TTLL7: variants seen among roughly 807,000 people sequenced by gnomAD.
The protein encoded by TTLL7 is tubulin polyglutamylase TTLL7.
TTLL7 carries 53 observed loss-of-function variants against 120.2 expected under a neutral mutation model. The ratio of observed to expected loss-of-function variants is 0.44; its 90% CI spans 0.35 to 0.55. The LOEUF (loss-of-function observed/expected upper bound fraction) is 0.55, where lower values mean the gene tolerates loss of function less well. Ranked by LOEUF, TTLL7 falls within the 20% of genes least tolerant of loss-of-function variation. TTLL7 has a pLI of 0.00. For synonymous variants in TTLL7, 353 were observed against 351.7 expected, an observed-to-expected ratio of 1.00 and a Z score of -0.04; for missense variants, 803 against 1,054.7, an observed-to-expected ratio of 0.76 and a Z score of 3.31.
intron 20 of TTLL7, among the ~76,000 whole-genome samples, chr1:83,871,550 TAAAC>T (rs1653395630): frequency 6.6e-6 from 1 of 152,086 alleles, no homozygotes; most frequent in Admixed American, 6.5e-5. Context: ...TCTTGGGAAA[TAAAC>T]AGTGGGACGG....
chr1:83,891,424 A>T (rs1175649393), intron 18 of TTLL7, among the ~76,000 whole-genome samples: 1 of 152,164 alleles, frequency 6.6e-6, no homozygotes, highest in Non-Finnish European at 1.5e-5. Flanking sequence ...CAAGTGCTAG[A>T]GAGGATATGG....
intron 18 of TTLL7, among the ~76,000 whole-genome samples, 186 bp from the exon 19 acceptor site, chr1:83,890,667 G>C (rs1186447034): frequency 6.6e-6 from 1 of 152,036 alleles, no homozygotes; most frequent in East Asian, 1.9e-4. Context: ...CTACCTGGGA[G>C]GGTGGCTAAG....
intron 1 of TTLL7, among the ~76,000 whole-genome samples, chr1:83,975,600 G>T (rs529835371): frequency 2.0e-5 from 3 of 152,080 alleles, no homozygotes; most frequent in Non-Finnish European, 4.4e-5. Context: ...ACTTGTCAAA[G>T]ACTTAAGACA....
chr1:83,961,954 T>C lies in TTLL7; in HGVS notation c.-176-9567A>G, dbSNP rs1336706261. On this transcript the variant is annotated intron_variant, in intron 1 of 20. Transcript: ENST00000260505. ...CCAAAACACCCAACCTGTGCTTGAC[T>C]ATGCAAAGACTTCTCTTGTTCTGAG... Among the ~76,000 whole-genome samples the C allele has an allele frequency of 2.0e-5, 3 of 152,176 alleles. No individual in the cohort carries two copies. The East Asian group carries it at 5.8e-4, about 29-fold the overall frequency.
intron 14 of TTLL7, among the ~76,000 whole-genome samples, chr1:83,914,288 C>G (rs909037457): frequency 1.3e-5 from 2 of 149,572 alleles, no homozygotes. Flanking sequence ...CTTTAATGTT[C>G]CGTCTACCCT....
chr1:83,973,702 GA>G (rs1651204313), intron 1 of TTLL7, among the ~76,000 whole-genome samples: 1 of 152,018 alleles, frequency 6.6e-6, no homozygotes, highest in Admixed American at 6.6e-5. Flanking sequence ...ACTGAACTTG[GA>G]ATATATCTCC....
At chr1:83,935,615 A>G (rs1455973758) in intron 8 of TTLL7, among the ~76,000 whole-genome samples, 1 of 152,014 alleles carries the variant, frequency 6.6e-6, no homozygotes, top group African/African-American at 2.4e-5. Flanking sequence ...GACCAGAACA[A>G]AAGTACAGAG....
intron 6 of TTLL7, among the ~76,000 whole-genome samples, chr1:83,945,424 A>G (rs1477410282): frequency 6.6e-6 from 1 of 152,268 alleles, no homozygotes; most frequent in Non-Finnish European, 1.5e-5. Flanking sequence ...ACAATTGGAA[A>G]CATTTATGTG....
intron 20 of TTLL7, among the ~76,000 whole-genome samples, chr1:83,881,231 A>G (rs1484179856): frequency 6.6e-6 from 1 of 151,858 alleles, no homozygotes; most frequent in Non-Finnish European, 1.5e-5. Context: ...AAAAGCCAAA[A>G]TTGACAAATG....
intron 18 of TTLL7, among the ~76,000 whole-genome samples, chr1:83,893,842 T>C (rs1161110264): frequency 2.6e-5 from 4 of 151,880 alleles, no homozygotes; most frequent in African/African-American, 7.3e-5. Context: ...TCAGGGTGTG[T>C]CCTAGGGGAA....
intron 15 of TTLL7, among the ~76,000 whole-genome samples, chr1:83,909,999 G>A (rs1571152116): frequency 1.3e-5 from 2 of 152,186 alleles, no homozygotes; most frequent in East Asian, 1.9e-4. Context: ...TGTAACAGGT[G>A]CTCAATAAAC....
rs1241691488 is a variant in TTLL7 at position 83,921,067 on chromosome 1, A to G, written c.1364+20T>C. On this transcript the variant is annotated intron_variant, in intron 12 of 20. Transcript: ENST00000260505. ...GATACTTCATTTTTTCAATCTATAC[A>G]AAAATAGCAGCACAGTTACCTATAA... is the stretch of plus-strand genomic sequence containing the variant. The G allele has an allele frequency of 1.3e-6, 2 of 1,599,380 alleles. No individual in the cohort carries two copies. Among genetic ancestry groups the G allele is most frequent in the Non-Finnish European group, 1.7e-6 (2 of 1,174,650 alleles).
At chr1:83,906,277 A>G in intron 17 of TTLL7, 52 bp downstream of exon 17, 3 of 1,437,654 alleles carry the variant, frequency 2.1e-6, no homozygotes, top group Non-Finnish European at 2.9e-6. Context: ...ATATTTTAAG[A>G]AGAATAAAAA....
At chr1:83,966,348 C>G (rs1364613994) in intron 1 of TTLL7, among the ~76,000 whole-genome samples, 1 of 151,786 alleles carries the variant, frequency 6.6e-6, no homozygotes, top group East Asian at 1.9e-4. Flanking sequence ...CTCTCCCTCC[C>G]TCCTCCTTCC....
chr1:83,880,462 G>C (rs970603553), intron 20 of TTLL7, among the ~76,000 whole-genome samples: 5 of 151,854 alleles, frequency 3.3e-5, no homozygotes, highest in Non-Finnish European at 7.4e-5. Flanking sequence ...GGACACATTT[G>C]TAATAAAGTT....
In TTLL7 at chr1:83,892,747, T is replaced by TATGTGAACATATATATGAACGC. The variant is rs1244718871; in HGVS notation, c.2209-2267_2209-2266insGCGTTCATATATATGTTCACAT. Reference sequence around the variant, plus strand: ...ATGTGAACACATATATATGAGCGCATATGTGAACATATATATGAGCGCATA... The same window carrying TATGTGAACATATATATGAACGC: ...ATGTGAACACATATATATGAGCGCATATGTGAACATATATATGAACGCATGTGAACATATATATGAGCGCATA... On this transcript the variant is annotated intron_variant, in intron 18 of 20. Coordinates refer to ENST00000260505, the MANE Select transcript of TTLL7 (RefSeq NM_024686.6). Among the ~76,000 whole-genome samples, 7 of 151,754 alleles carry TATGTGAACATATATATGAACGC rather than the reference T, an allele frequency of 4.6e-5. No individual in the cohort carries two copies. In the East Asian group the frequency reaches 1.4e-3, roughly 29 times the overall value.
intron 1 of TTLL7, among the ~76,000 whole-genome samples, chr1:83,976,110 TTTC>T (rs1186964419): frequency 2.6e-5 from 4 of 151,752 alleles, no homozygotes; most frequent in African/African-American, 9.7e-5. Flanking sequence ...GTAAATTGTA[TTTC>T]TTACCATGGA....
Position 83,868,948 on chromosome 1 carries a change from TTTTATTTA to T in TTLL7, c.*1006_*1013del, listed in dbSNP as rs1039846300. 6.7e-6 allele frequency: 1 copy of T among 150,354 alleles called. No homozygotes were observed. Among genetic ancestry groups the T allele is most frequent in the Non-Finnish European group, 1.5e-5 (1 of 67,554 alleles). The allele number at this position is 150,354 out of a possible 1,614,324, so 9.3% of individuals were successfully genotyped here. ...TTTTATTTATTTATTTTTATCTTCT[TTTTATTTA>T]TTTATTTATTTTATTTTATTATTAT... On this transcript the variant is annotated 3_prime_UTR_variant, in exon 21 of 21. Coordinates refer to ENST00000260505, the MANE Select transcript of TTLL7 (RefSeq NM_024686.6).
chr1:83,978,942 A>C (rs1468870294), intron 1 of TTLL7, among the ~76,000 whole-genome samples: 1 of 152,204 alleles, frequency 6.6e-6, no homozygotes, highest in Non-Finnish European at 1.5e-5. Flanking sequence ...AGTACCTAAA[A>C]GCCTGAAAAG....
Sources: allele counts gnomAD v4.1 joint callset (sites outside exome capture counted in the v4.1 genomes callset), GRCh38; gene constraint gnomAD v4.1.1; transcripts MANE v1.5; gene names NCBI Gene and HGNC (gene_info 2026-07-23, HGNC 2026-07-21).